IPO5: variants seen among roughly 807,000 people sequenced by gnomAD.
The protein encoded by IPO5 is importin-5.
A neutral mutation model predicts 143.3 loss-of-function variants in IPO5; 18 were observed. The observed-to-expected ratio is 0.13, with a 90% CI of 0.09 to 0.19. IPO5 has a LOEUF of 0.19. Among genes scored for constraint, IPO5 ranks in the 10% least tolerant of loss-of-function variants. The pLI is 1.00. For synonymous variants in IPO5, 477 were observed against 465.7 expected (o/e 1.02, Z -0.31); for missense variants, 1,013 against 1,336.9 (o/e 0.76, Z 3.78).
Position 97,969,175 on chromosome 13 carries a change from A to ATATTT in IPO5, c.-112-547_-112-546insATTTT, listed in dbSNP as rs1234384302. On this transcript the variant is annotated intron_variant, in intron 2 of 28. Transcript: ENST00000651721. ...TAAGTATATATATATATATATATAT[A>ATATTT]TTTTTTTTTTTTTTTTTTTTTTTTG... Among the ~76,000 whole-genome samples, 107 of 43,922 alleles carry ATATTT rather than the reference A, an allele frequency of 2.4e-3. 3 individuals carry two copies. The highest frequency in any genetic ancestry group is 0.01 in the African/African-American group (96 of 9,462). The allele number at this position is 43,922 out of a possible 152,430, so 28.8% of individuals were successfully genotyped here. A position where few individuals can be genotyped will look rare whatever the true frequency, so the allele number is the denominator to read the frequency against.
chr13:97,953,848 C>T (rs1426091907), intron 1 of IPO5, 132 bp downstream of exon 1: 2 of 450,398 alleles, frequency 4.4e-6, no homozygotes, highest in African/African-American at 2.0e-5. Flanking sequence ...TAGCTCGTCT[C>T]CTGACGTCAC....
At chr13:97,978,122 A>T (rs1376217560) in intron 4 of IPO5, among the ~76,000 whole-genome samples, 1 of 152,236 alleles carries the variant, frequency 6.6e-6, no homozygotes, top group Admixed American at 6.5e-5. Context: ...TTTATTTATT[A>T]TACATGTAAT....
In IPO5 at chr13:98,008,123, T is replaced by C. The variant is rs376142906; in HGVS notation, c.1781T>C (p.Met594Thr). ...LLKTQTDFND[M>T]EDDDPQISYM... ...AAGACCCAGACAGACTTCAATGATA[T>C]GGAAGATGATGATCCTCAGGTAAGT... is the stretch of plus-strand genomic sequence containing the variant. The change falls in exon 18 of 29, where the codon ATG (methionine) becomes ACG (threonine). Residue 594 changes from methionine to threonine, a missense_variant. Physicochemically the swap from Met to Thr is moderately conservative, Grantham distance 81. Coordinates refer to ENST00000651721, the MANE Select transcript of IPO5 (RefSeq NM_002271.6). 140 of 1,606,846 alleles carry C rather than the reference T, an allele frequency of 8.7e-5. No homozygotes were observed. The highest frequency in any genetic ancestry group is 1.1e-4 in the East Asian group (5 of 44,862).
chr13:97,968,644 C>T (rs914487588), intron 2 of IPO5, among the ~76,000 whole-genome samples: 4 of 152,012 alleles, frequency 2.6e-5, no homozygotes, highest in African/African-American at 9.7e-5. Flanking sequence ...CATTTTTTGT[C>T]TTAAAATCTA....
At position 98,015,760 on chromosome 13, in the gene IPO5, C is replaced by G. The variant is rs769558831; in HGVS notation, c.2472C>G (p.Val824=). The stretch of plus-strand genomic sequence containing the variant: ...AAGATGAAGACTATGATGAACAGGT[C>G]GAAGAGTCACTACAAGATGAGGTAA... The part of the protein sequence containing the change: ...KRQDEDYDEQ[V]EESLQDEDDN... The change falls in exon 24 of 29, where the codon GTC becomes GTG. Residue 824 remains valine, a synonymous_variant. Coordinates refer to ENST00000651721, the MANE Select transcript of IPO5 (RefSeq NM_002271.6). 2 of 1,609,736 alleles carry G rather than the reference C, an allele frequency of 1.2e-6. No individual in the cohort carries two copies. The highest frequency in any genetic ancestry group is 1.1e-5 in the South Asian group (1 of 90,530).
chr13:97,957,258 C>T (rs530507174), intron 2 of IPO5, among the ~76,000 whole-genome samples: 25 of 151,784 alleles, frequency 1.6e-4, no homozygotes, highest in African/African-American at 4.8e-4. Context: ...AGTGCAGTGG[C>T]GTGATCTCAG....
chr13:97,995,175 C>CT (rs1888148449), intron 11 of IPO5, among the ~76,000 whole-genome samples: 1 of 139,806 alleles, frequency 7.2e-6, no homozygotes, highest in Admixed American at 7.1e-5. Flanking sequence ...TTCTTTCTTT[C>CT]TTTGTTTTTT....
intron 2 of IPO5, among the ~76,000 whole-genome samples, chr13:97,969,336 C>T (rs2139548587): frequency 1.3e-5 from 2 of 151,466 alleles, no homozygotes; most frequent in East Asian, 3.9e-4. Context: ...TGCCCACCAC[C>T]ACGCCCAGCT....
intron 4 of IPO5, among the ~76,000 whole-genome samples, chr13:97,977,352 AC>A (rs1388271706): frequency 6.6e-6 from 1 of 152,054 alleles, no homozygotes; most frequent in Non-Finnish European, 1.5e-5. Flanking sequence ...CTAGTTCCTA[AC>A]ATCAGAAGCC....
At chr13:98,000,969 A>G (rs1888720501) in intron 13 of IPO5, 4 of 261,748 alleles carry the variant, frequency 1.5e-5, no homozygotes, top group Non-Finnish European at 2.9e-5. Flanking sequence ...AATGTTATCA[A>G]AAGAGAAACC....
intron 13 of IPO5, 65 bp downstream of exon 13, chr13:98,000,710 G>T: frequency 1.9e-6 from 2 of 1,046,454 alleles, no homozygotes; most frequent in South Asian, 1.3e-5. Context: ...TAAATTCTAA[G>T]ATATGTTTAG....
chr13:97,991,321 A>T (rs1460474826), intron 9 of IPO5, among the ~76,000 whole-genome samples: 1 of 152,216 alleles, frequency 6.6e-6, no homozygotes, highest in East Asian at 1.9e-4. Flanking sequence ...ACTACACTGG[A>T]AGACATAATA....
chr13:97,995,151 A>T (rs1457711883), intron 11 of IPO5, among the ~76,000 whole-genome samples: 2 of 135,490 alleles, frequency 1.5e-5, no homozygotes, highest in African/African-American at 2.7e-5. Flanking sequence ...AGTTTCTGGG[A>T]TATCTTTCTT....
intron 4 of IPO5, chr13:97,979,954 TATAA>T (rs1227902645): frequency 4.4e-6 from 2 of 456,630 alleles, no homozygotes; most frequent in African/African-American, 4.0e-5. Flanking sequence ...GTAGGCTCAC[TATAA>T]ATATTTATGG....
rs767504599 is a variant in IPO5 at position 97,990,414 on chromosome 13, T to A, written c.565-19T>A. ...ATCAAAAATTTCTCATGTTTGACAT[T>A]TTTTCCTCTTGATTTTAGATCAGGA... On this transcript the variant is annotated intron_variant, in intron 8 of 28. Transcript: ENST00000651721. 1.3e-6 allele frequency: 2 copies of A among 1,546,750 alleles called. No individual in the cohort carries two copies. Among genetic ancestry groups the A allele is most frequent in the Non-Finnish European group, 1.8e-6 (2 of 1,133,924 alleles).
chr13:97,989,234 A>G (rs1887620837), intron 7 of IPO5, 70 bp downstream of exon 7: 2 of 786,550 alleles, frequency 2.5e-6, no homozygotes, highest in Non-Finnish European at 4.2e-6. Context: ...TTAACTGATT[A>G]TTTTAGCCTA....
intron 24 of IPO5, among the ~76,000 whole-genome samples, 187 bp downstream of exon 24, chr13:98,015,968 G>A (rs766618490): frequency 2.6e-5 from 4 of 152,044 alleles, no homozygotes; most frequent in South Asian, 2.1e-4. Context: ...TATGTCTTTC[G>A]GTGCTATGTG....
At position 98,021,835 on chromosome 13, in the gene IPO5, T is replaced by C. The variant is rs763223404; in HGVS notation, c.*13T>C. ...GAACTCTGCGTGAAGGGCCTTAATG[T>C]CACCCACCAGAAAACTAACTCCAAA... On this transcript the variant is annotated 3_prime_UTR_variant, in exon 29 of 29. Transcript: ENST00000651721. 6.3e-7 allele frequency: 1 copy of C among 1,576,036 alleles called. No homozygotes were observed. Among genetic ancestry groups the C allele is most frequent in the East Asian group, 2.3e-5 (1 of 44,442 alleles).
intron 3 of IPO5, among the ~76,000 whole-genome samples, chr13:97,970,457 A>C (rs930513522): frequency 6.6e-6 from 1 of 151,968 alleles, no homozygotes; most frequent in African/African-American, 2.4e-5. Context: ...CGTCTCTACT[A>C]AAAATAAAAA....
Sources: allele counts gnomAD v4.1 joint callset (sites outside exome capture counted in the v4.1 genomes callset), GRCh38; gene constraint gnomAD v4.1.1; transcripts MANE v1.5; gene names NCBI Gene and HGNC (gene_info 2026-07-23, HGNC 2026-07-21).